Variants in COL27A1 observed in about 807,000 individuals in gnomAD.
COL27A1 encodes collagen alpha-1(XXVII) chain.
A neutral mutation model predicts 251.3 loss-of-function variants in COL27A1; 106 were observed. That is an observed-to-expected ratio of 0.42 (90% CI 0.36 to 0.50). The LOEUF is 0.50. Ranked by LOEUF, COL27A1 falls within the 20% of genes least tolerant of loss-of-function variation. The pLI, the probability that COL27A1 is intolerant of heterozygous loss-of-function variation, is 0.00. For synonymous variants in COL27A1, 1,000 were observed against 986.3 expected (o/e 1.01, Z -0.26); for missense variants, 2,325 against 2,522.8 (o/e 0.92, Z 1.68).
chr9:114,234,032 C>T (rs1832163507), intron 16 of COL27A1, among the ~76,000 whole-genome samples: 1 of 152,076 alleles, frequency 6.6e-6, no homozygotes, highest in African/African-American at 2.4e-5. Context: ...TGGACTCAGT[C>T]CCACTTACAA....
chr9:114,226,644 C>T (rs1227886255), intron 14 of COL27A1, among the ~76,000 whole-genome samples: 1 of 152,232 alleles, frequency 6.6e-6, no homozygotes. Context: ...CAGAACTGAC[C>T]ACAGCTCCAG....
chr9:114,258,667 A>G, intron 28 of COL27A1, 73 bp downstream of exon 28: 1 of 1,484,918 alleles, frequency 6.7e-7, no homozygotes, highest in South Asian at 1.2e-5. Flanking sequence ...CATCTGCCAG[A>G]GACTGCCTGG....
At chr9:114,198,080 T>C (rs566745627) in intron 7 of COL27A1, among the ~76,000 whole-genome samples, 7 of 152,320 alleles carry the variant, frequency 4.6e-5, no homozygotes, top group African/African-American at 1.4e-4. Flanking sequence ...GTGGGAAACC[T>C]TGAGGGGAGA....
intron 56 of COL27A1, 173 bp from the exon 57 acceptor site, chr9:114,304,435 G>A (rs1326742513): frequency 3.2e-6 from 2 of 632,012 alleles, no homozygotes; most frequent in Non-Finnish European, 5.7e-6. Context: ...TGGGGAAAGG[G>A]AATGGCAGGG....
chr9:114,193,381 T>C (rs750710691), intron 5 of COL27A1, among the ~76,000 whole-genome samples: 15 of 152,158 alleles, frequency 9.9e-5, no homozygotes, highest in Non-Finnish European at 2.1e-4. Flanking sequence ...AGGATCTGTG[T>C]GACAGGGACT....
chr9:114,304,614 G>A lies in COL27A1; in HGVS notation c.4879G>A (p.Asp1627Asn). The A allele has an allele frequency of 6.2e-7, 1 of 1,614,186 alleles. No individual in the cohort carries two copies. Among genetic ancestry groups the A allele is most frequent in the Non-Finnish European group, 8.5e-7 (1 of 1,180,018 alleles). ...CTGTCTTTTCCTTGCCCAGCAACAA[G>A]ATGATCTTGGGGCAGCTTTCCAGAC... ...PPGGPIQLQQ[D>N]DLGAAFQTWM... Residue 1627 changes from aspartate to asparagine, a missense_variant, in exon 57 of 61, where the codon GAT becomes AAT. Physicochemically the swap from Asp to Asn is conservative, Grantham distance 23 (BLOSUM62 1). Coordinates refer to ENST00000356083, the MANE Select transcript of COL27A1 (RefSeq NM_032888.4).
intron 12 of COL27A1, among the ~76,000 whole-genome samples, chr9:114,214,505 C>A (rs10118296): frequency 0.013 from 2,022 of 152,306 alleles, 47 homozygotes; most frequent in African/African-American, 0.045. Context: ...GAGGAAGAGA[C>A]AGTGGAGGTC....
chr9:114,180,883 G>A (rs1827852545), intron 4 of COL27A1, among the ~76,000 whole-genome samples: 1 of 152,210 alleles, frequency 6.6e-6, no homozygotes, highest in South Asian at 2.1e-4. Flanking sequence ...GCTGCAGATG[G>A]GGGAGCTGAG....
intron 3 of COL27A1, among the ~76,000 whole-genome samples, chr9:114,174,679 A>G (rs1849558959): frequency 6.6e-6 from 1 of 152,198 alleles, no homozygotes; most frequent in African/African-American, 2.4e-5. Flanking sequence ...GAATATGGGT[A>G]TTACATTCCC....
In COL27A1 at chr9:114,290,663, A is replaced by G; in HGVS notation, c.4369-147A>G. 1.5e-6 allele frequency: 1 copy of G among 645,246 alleles called. No individual in the cohort carries two copies. Among genetic ancestry groups the G allele is most frequent in the East Asian group, 2.7e-5 (1 of 36,374 alleles). 40.0% of individuals were successfully genotyped at this position (645,246 alleles called of 1,614,324 possible). On this transcript the variant is annotated intron_variant, in intron 47 of 60. Coordinates refer to ENST00000356083, the MANE Select transcript of COL27A1 (RefSeq NM_032888.4). The surrounding 1 kb of genome is among the most constrained non-coding windows in gnomAD (Gnocchi z 4.6). ...CTCCTCCTGTCCTCCTGGTCCAGCCACATCACACACAGGCCGTCTGACCTC... is the reference window on the plus strand; with the variant it reads ...CTCCTCCTGTCCTCCTGGTCCAGCCGCATCACACACAGGCCGTCTGACCTC...
intron 13 of COL27A1, among the ~76,000 whole-genome samples, chr9:114,221,296 G>T (rs917597997): frequency 2.0e-5 from 3 of 152,166 alleles, no homozygotes; most frequent in Non-Finnish European, 2.9e-5. Flanking sequence ...ACCAGCAAAG[G>T]CATGGGGTGA....
intron 7 of COL27A1, among the ~76,000 whole-genome samples, chr9:114,197,718 G>A (rs1428755173): frequency 1.3e-5 from 2 of 152,264 alleles, no homozygotes; most frequent in East Asian, 1.9e-4. Context: ...TGAGCAGGGA[G>A]AGGCAGCTTC....
At chr9:114,300,964 G>T in intron 51 of COL27A1, 108 bp from the exon 52 acceptor site, 1 of 1,108,518 alleles carries the variant, frequency 9.0e-7, no homozygotes, top group South Asian at 1.5e-5. Context: ...GCTTCAGATG[G>T]TCTCCCTTCT....
chr9:114,197,724 G>A (rs1375909586), intron 7 of COL27A1, among the ~76,000 whole-genome samples: 2 of 152,262 alleles, frequency 1.3e-5, no homozygotes, highest in African/African-American at 4.8e-5. Context: ...GGGAGAGGCA[G>A]CTTCTCCAAG....
At chr9:114,307,161 CA>C (rs1192048573) in intron 58 of COL27A1, 4 of 179,714 alleles carry the variant, frequency 2.2e-5, no homozygotes, top group African/African-American at 7.2e-5. Flanking sequence ...CTCCTCTGCA[CA>C]AGCGGCTGGG....
chr9:114,169,244 C>CT lies in COL27A1; in HGVS notation c.1689_1690insT (p.Arg564Ter). The CT allele has an allele frequency of 6.2e-7, 1 of 1,613,654 alleles. No individual in the cohort carries two copies. Among genetic ancestry groups the CT allele is most frequent in the Non-Finnish European group, 8.5e-7 (1 of 1,179,818 alleles). The stretch of plus-strand genomic sequence containing the variant: ...TCCCCCTCAGACCTGGGAAGGCAGC[C>CT]AGGGATGTCCCCTTGAGCGATCTGA... On this transcript the variant is annotated frameshift_variant, in exon 3 of 61. Transcript: ENST00000356083. LOFTEE classifies it high-confidence loss of function.
intron 1 of COL27A1, among the ~76,000 whole-genome samples, chr9:114,157,315 T>G (rs1387298142): frequency 6.6e-6 from 1 of 152,212 alleles, no homozygotes; most frequent in East Asian, 1.9e-4. Context: ...CATCACGTTG[T>G]CCTGCATCAT....
At chr9:114,287,395 C>T (rs1045673311) in intron 41 of COL27A1, among the ~76,000 whole-genome samples, 3 of 152,132 alleles carry the variant, frequency 2.0e-5, no homozygotes, top group South Asian at 4.1e-4. Flanking sequence ...TTTGCCGTTC[C>T]GCTTACACCT....
chr9:114,226,587 G>A (rs534664613), intron 14 of COL27A1, among the ~76,000 whole-genome samples: 33 of 152,318 alleles, frequency 2.2e-4, no homozygotes, highest in Non-Finnish European at 4.1e-4. Context: ...GCAGTGCCAG[G>A]GCTGTTCTGG....
Sources: gnomAD v4.1 joint callset for allele counts (sites outside exome capture counted in the v4.1 genomes callset) on GRCh38, gnomAD v4.1.1 for gene constraint, Gnocchi (gnomAD v3.1) non-coding constraint, MANE v1.5 for transcripts, NCBI Gene and HGNC (gene_info 2026-07-23, HGNC 2026-07-21) for gene names.